The following ARL6IP6 variants were observed in gnomAD, a reference collection of about 807,000 sequenced individuals.
The protein encoded by ARL6IP6 is ARF like GTPase 6 interacting protein 6.
ARL6IP6 carries 22 observed loss-of-function variants against 21.5 expected under a neutral mutation model. The ratio of observed to expected loss-of-function variants is 1.02; its 90% CI spans 0.73 to 1.46. The LOEUF is 1.46. Among genes scored for constraint, ARL6IP6 ranks in the 40% most tolerant of loss-of-function variants. The probability of loss-of-function intolerance (pLI) is 0.00; values close to 1 mark genes in which losing one functional copy is unlikely to be tolerated. For missense variants in ARL6IP6, 388 were observed against 299.8 expected, an observed-to-expected ratio of 1.29 and a Z score of -2.17; for synonymous variants, 164 against 125.3, an observed-to-expected ratio of 1.31 and a Z score of -2.06.
chr2:152,726,185 C>T (rs1269033554), intron 2 of ARL6IP6, among the ~76,000 whole-genome samples: 6 of 151,908 alleles, frequency 3.9e-5, no homozygotes, highest in Non-Finnish European at 8.8e-5. Flanking sequence ...TAATGATTTA[C>T]CAATGTTGGG....
chr2:152,754,820 A>G (rs1037961126), intron 3 of ARL6IP6, among the ~76,000 whole-genome samples: 4 of 152,148 alleles, frequency 2.6e-5, no homozygotes, highest in Non-Finnish European at 4.4e-5. Context: ...CCGTATAACT[A>G]ATGACATTGA....
At chr2:152,754,661 A>G (rs904675567) in intron 3 of ARL6IP6, among the ~76,000 whole-genome samples, 2 of 152,190 alleles carry the variant, frequency 1.3e-5, no homozygotes, top group Non-Finnish European at 2.9e-5. Context: ...CAGCAGCTGT[A>G]TCATTTTACA....
At position 152,718,630 on chromosome 2, in the gene ARL6IP6, G is replaced by A. The variant is rs1189453231; in HGVS notation, c.6G>A (p.Ser2=). 7 of 1,529,334 alleles carry A rather than the reference G, an allele frequency of 4.6e-6. No individual in the cohort carries two copies. Among genetic ancestry groups the A allele is most frequent in the African/African-American group, 1.4e-5 (1 of 72,040 alleles). The allele number at this position is 1,529,334 out of a possible 1,614,324, so 94.7% of individuals were successfully genotyped here. A position where few individuals can be genotyped will look rare whatever the true frequency, so the allele number is the denominator to read the frequency against. ...GTTTCGTTGTGTTTCGCGCCATGTC[G>A]TTTGCTGAGAGCGGGTGGCGGTCGG... The part of the protein sequence containing the change: M[S]FAESGWRSAL... The change falls in exon 1 of 4, where the codon TCG becomes TCA. Residue 2 remains serine (S), a synonymous_variant. Transcript: ENST00000326446.
chr2:152,720,306 CA>C, intron 1 of ARL6IP6: 1 of 557,120 alleles, frequency 1.8e-6, no homozygotes, highest in Non-Finnish European at 3.2e-6. Flanking sequence ...AGGGAATAAA[CA>C]GTACTCTCAT....
intron 2 of ARL6IP6, among the ~76,000 whole-genome samples, chr2:152,722,053 C>T (rs971832571): frequency 1.3e-5 from 2 of 152,122 alleles, no homozygotes; most frequent in African/African-American, 2.4e-5. Flanking sequence ...GAATTCTAAA[C>T]CTTTTGCTGT....
At chr2:152,725,497 A>G (rs985804077) in intron 2 of ARL6IP6, among the ~76,000 whole-genome samples, 5 of 152,228 alleles carry the variant, frequency 3.3e-5, no homozygotes, top group African/African-American at 1.2e-4. Flanking sequence ...GCAAAAAAGA[A>G]TTATTGGGTT....
intron 2 of ARL6IP6, among the ~76,000 whole-genome samples, chr2:152,732,891 C>CT (rs906307545): frequency 4.0e-4 from 58 of 146,644 alleles, no homozygotes; most frequent in African/African-American, 2.5e-4. Flanking sequence ...TGTATTGTTA[C>CT]TTTTTTTTTT....
At chr2:152,747,850 C>T (rs192546130) in intron 3 of ARL6IP6, among the ~76,000 whole-genome samples, 22 of 152,224 alleles carry the variant, frequency 1.4e-4, no homozygotes, top group African/African-American at 5.1e-4. Flanking sequence ...GGATTGCAGG[C>T]GTGAGCCACC....
intron 3 of ARL6IP6, among the ~76,000 whole-genome samples, chr2:152,752,483 C>G (rs1178669527): frequency 6.6e-6 from 1 of 152,176 alleles, no homozygotes; most frequent in African/African-American, 2.4e-5. Flanking sequence ...GAACAAAACC[C>G]TCAAAGTAAC....
At position 152,749,314 on chromosome 2, in the gene ARL6IP6, A is replaced by AC. The variant is rs1701206001; in HGVS notation, c.588-10433_588-10432insC. Among the ~76,000 whole-genome samples the AC allele has an allele frequency of 7.7e-4, 116 of 150,232 alleles. 1 individual carries two copies. The highest frequency in any genetic ancestry group is 1.7e-3 in the Admixed American group (25 of 15,090). Reference sequence around the variant, plus strand: ...TATCAAGCAGAAACACACACACAAAAACACACACACACACACACACACGCA... The same window carrying AC: ...TATCAAGCAGAAACACACACACAAAACACACACACACACACACACACACGCA... On this transcript the variant is annotated intron_variant, in intron 3 of 3. Transcript: ENST00000326446.
intron 3 of ARL6IP6, among the ~76,000 whole-genome samples, chr2:152,742,570 T>TA (rs71396304): frequency 0.087 from 10,110 of 115,870 alleles, 521 homozygotes; most frequent in Middle Eastern, 0.14. Flanking sequence ...ATACGCTCTT[T>TA]AAAAAAAAAA....
At chr2:152,741,986 T>C (rs1220295562) in intron 3 of ARL6IP6, among the ~76,000 whole-genome samples, 3 of 152,210 alleles carry the variant, frequency 2.0e-5, no homozygotes, top group Admixed American at 6.5e-5. Flanking sequence ...GTTTAGATTT[T>C]TTGGAATATC....
At chr2:152,751,499 C>G (rs1701329832) in intron 3 of ARL6IP6, among the ~76,000 whole-genome samples, 1 of 152,176 alleles carries the variant, frequency 6.6e-6, no homozygotes, top group African/African-American at 2.4e-5. Flanking sequence ...TATCCTCTCT[C>G]ACCCCACCCA....
At chr2:152,726,426 T>C (rs1346043430) in intron 2 of ARL6IP6, among the ~76,000 whole-genome samples, 1 of 152,218 alleles carries the variant, frequency 6.6e-6, no homozygotes, top group Non-Finnish European at 1.5e-5. Context: ...CCTCTGCTCC[T>C]GCACTTGGCT....
At chr2:152,718,371 C>T (rs1403287885), upstream of ARL6IP6, 3 of 430,562 alleles carry the variant, frequency 7.0e-6, no homozygotes, top group Admixed American at 4.6e-5. Context: ...CCTCCGCTCG[C>T]TTCTCCCTGC....
At chr2:152,757,040 T>C (rs1416634799) in intron 3 of ARL6IP6, among the ~76,000 whole-genome samples, 1 of 152,172 alleles carries the variant, frequency 6.6e-6, no homozygotes, top group Non-Finnish European at 1.5e-5. Flanking sequence ...CATTTTGCTA[T>C]ATACTGCAGT....
At chr2:152,738,108 G>A (rs1307734451) in intron 3 of ARL6IP6, among the ~76,000 whole-genome samples, 4 of 152,194 alleles carry the variant, frequency 2.6e-5, no homozygotes, top group Admixed American at 1.3e-4. Flanking sequence ...ATGCAAGTCC[G>A]AAATTCAGTA....
intron 3 of ARL6IP6, among the ~76,000 whole-genome samples, chr2:152,753,012 C>T (rs1701409343): frequency 6.6e-6 from 1 of 152,088 alleles, no homozygotes; most frequent in African/African-American, 2.4e-5. Flanking sequence ...ACCCTATTCT[C>T]CTGCCTCACC....
Position 152,759,916 on chromosome 2 carries a change from T to C in ARL6IP6, c.*76T>C, listed in dbSNP as rs1459339767. On this transcript the variant is annotated 3_prime_UTR_variant, in exon 4 of 4. Coordinates refer to ENST00000326446, the MANE Select transcript of ARL6IP6 (RefSeq NM_152522.7). The stretch of plus-strand genomic sequence containing the variant: ...AATAACAAGAAGGAGCATCACTGTC[T>C]ACTCAGAAGACTGAGAAACCTGCTG... 3 of 1,258,240 alleles carry C rather than the reference T, an allele frequency of 2.4e-6. No individual in the cohort carries two copies. The highest frequency in any genetic ancestry group is 3.0e-5 in the African/African-American group (2 of 67,642). The allele number at this position is 1,258,240 out of a possible 1,614,324, so 77.9% of individuals were successfully genotyped here. A position where few individuals can be genotyped will look rare whatever the true frequency, so the allele number is the denominator to read the frequency against.
Sources: gnomAD v4.1 joint callset for allele counts (sites outside exome capture counted in the v4.1 genomes callset) on GRCh38, gnomAD v4.1.1 for gene constraint, MANE v1.5 for transcripts, NCBI Gene and HGNC (gene_info 2026-07-23, HGNC 2026-07-21) for gene names.